Variants in FBXO45 observed in about 807,000 individuals in gnomAD.
The protein encoded by FBXO45 is F-box protein 45, also known as F-box/SPRY domain-containing protein 1.
In FBXO45, 3 loss-of-function variants were observed where a neutral mutation model predicts 25.5. The ratio of observed to expected loss-of-function variants is 0.12; its 90% CI spans 0.05 to 0.30. FBXO45 has a LOEUF of 0.30. FBXO45 is among the 10% of genes least tolerant of loss of function. The pLI is 1.00. For missense variants in FBXO45, 219 were observed against 365.0 expected (o/e 0.60, Z 3.26); for synonymous variants, 155 against 149.8 (o/e 1.03, Z -0.25).
rs756231947 is a variant in FBXO45, at chr3:196,569,158, C to T, written c.174C>T (p.Ser58=). 1 of 1,552,132 alleles carries T rather than the reference C, an allele frequency of 6.4e-7. No individual in the cohort carries two copies. Among genetic ancestry groups the T allele is most frequent in the Non-Finnish European group, 8.7e-7 (1 of 1,147,676 alleles). The part of the protein sequence containing the change: ...FSYLELSELR[S]CALVCKHWYR... ...ACCTGGAGCTGTCCGAGCTGCGGAGCTGCGCCCTGGTGTGCAAGCACTGGT... is the reference window on the plus strand; with the variant it reads ...ACCTGGAGCTGTCCGAGCTGCGGAGTTGCGCCCTGGTGTGCAAGCACTGGT... Residue 58 remains serine, a synonymous_variant, in exon 1 of 3, where the codon AGC becomes AGT. Transcript: ENST00000311630. This position sits in a 1 kb window ranked among gnomAD's most constrained non-coding sequence, Gnocchi z 4.1.
intron 1 of FBXO45, among the ~76,000 whole-genome samples, chr3:196,574,733 A>T (rs1425715544): frequency 6.6e-6 from 1 of 152,234 alleles, no homozygotes. Context: ...TACGTGGCAC[A>T]GAAAGTGGTG....
chr3:196,584,457 T>A lies in FBXO45; in HGVS notation c.*139T>A. ...AAGTCGTAAACTGGAGAAGCAGCTC[T>A]ACAGCAGAGATTATCTTCGTGTTTC... On this transcript the variant is annotated 3_prime_UTR_variant, in exon 3 of 3. Coordinates refer to ENST00000311630, the MANE Select transcript of FBXO45 (RefSeq NM_001105573.2). This position sits in a 1 kb window ranked among gnomAD's most constrained non-coding sequence, Gnocchi z 4.3. 1 of 702,028 alleles carries A rather than the reference T, an allele frequency of 1.4e-6. No individual in the cohort carries two copies. The highest frequency in any genetic ancestry group is 2.2e-6 in the Non-Finnish European group (1 of 452,006). 43.5% of individuals were successfully genotyped at this position (702,028 alleles called of 1,614,324 possible).
At chr3:196,576,512 C>T (rs188811465) in intron 1 of FBXO45, among the ~76,000 whole-genome samples, 21 of 152,176 alleles carry the variant, frequency 1.4e-4, no homozygotes, top group Admixed American at 4.6e-4. Context: ...TGTGCCACTG[C>T]ACTGCAGTCT....
In FBXO45 at chr3:196,586,457, C is replaced by T. The variant is rs577263306; in HGVS notation, c.*2139C>T. Reference sequence around the variant, plus strand: ...TTCTTATCTCAAAGATTTAAATTCCCGAATGTCCCATTCGCAAATCATATG... The same window carrying T: ...TTCTTATCTCAAAGATTTAAATTCCTGAATGTCCCATTCGCAAATCATATG... On this transcript the variant is annotated 3_prime_UTR_variant, in exon 3 of 3. Transcript: ENST00000311630. The T allele has an allele frequency of 6.6e-5, 10 of 152,236 alleles. No individual in the cohort carries two copies. The highest frequency in any genetic ancestry group is 1.4e-4 in the African/African-American group (6 of 41,522). The allele number at this position is 152,236 out of a possible 1,614,324, so 9.4% of individuals were successfully genotyped here.
intron 1 of FBXO45, among the ~76,000 whole-genome samples, chr3:196,575,612 A>T (rs910027205): frequency 2.0e-5 from 3 of 151,768 alleles, no homozygotes; most frequent in Non-Finnish European, 4.4e-5. Context: ...AGTTATTTAG[A>T]CAGTATTTGC....
chr3:196,578,008 G>A (rs549115745), intron 2 of FBXO45, among the ~76,000 whole-genome samples, 199 bp downstream of exon 2: 1 of 126,558 alleles, frequency 7.9e-6, no homozygotes, highest in Admixed American at 8.0e-5. Flanking sequence ...AATTTTGTTG[G>A]GTGTTATATT....
chr3:196,571,841 A>T (rs895804594), intron 1 of FBXO45, among the ~76,000 whole-genome samples: 4 of 152,200 alleles, frequency 2.6e-5, no homozygotes, highest in Non-Finnish European at 2.9e-5. Flanking sequence ...CTGTTCATTC[A>T]CACATTGTAG....
chr3:196,583,367 G>A (rs529224289), intron 2 of FBXO45, among the ~76,000 whole-genome samples: 4 of 151,954 alleles, frequency 2.6e-5, no homozygotes, highest in Admixed American at 6.6e-5. Flanking sequence ...TTAGCCGGGC[G>A]TGGTGGCGGG....
At chr3:196,570,258 TCC>T (rs747178495) in intron 1 of FBXO45, among the ~76,000 whole-genome samples, 4 of 99,762 alleles carry the variant, frequency 4.0e-5, no homozygotes, top group African/African-American at 1.7e-4. Flanking sequence ...AACGATAACA[TCC>T]CCCCCTTTTT....
intron 2 of FBXO45, among the ~76,000 whole-genome samples, chr3:196,581,716 C>T (rs553922686): frequency 2.0e-5 from 3 of 152,190 alleles, no homozygotes; most frequent in African/African-American, 7.2e-5. Context: ...ATATGAATCA[C>T]GCTTTCCTGT....
intron 2 of FBXO45, among the ~76,000 whole-genome samples, chr3:196,578,952 C>A (rs999824526): frequency 1.3e-5 from 2 of 152,158 alleles, no homozygotes; most frequent in Non-Finnish European, 2.9e-5. Flanking sequence ...ACATCCAAAT[C>A]TTTTTCTAGG....
intron 2 of FBXO45, among the ~76,000 whole-genome samples, chr3:196,583,689 T>C (rs1034172922): frequency 6.6e-6 from 1 of 152,196 alleles, no homozygotes; most frequent in African/African-American, 2.4e-5. Context: ...ATTTAAATTG[T>C]AAGTAATTAA....
intron 1 of FBXO45, among the ~76,000 whole-genome samples, chr3:196,573,895 G>A (rs1310793849): frequency 4.0e-5 from 6 of 151,464 alleles, no homozygotes; most frequent in African/African-American, 4.9e-5. Flanking sequence ...GGGAATGTGA[G>A]GCTATGGGTT....
Position 196,585,452 on chromosome 3 carries a change from G to A in FBXO45, c.*1134G>A, listed in dbSNP as rs1010026006. The A allele has an allele frequency of 2.0e-5, 3 of 152,014 alleles. No individual in the cohort carries two copies. Among genetic ancestry groups the A allele is most frequent in the East Asian group, 1.9e-4 (1 of 5,182 alleles). The allele number at this position is 152,014 out of a possible 1,614,324, so 9.4% of individuals were successfully genotyped here. A position where few individuals can be genotyped will look rare whatever the true frequency, so the allele number is the denominator to read the frequency against. On this transcript the variant is annotated 3_prime_UTR_variant, in exon 3 of 3. Transcript: ENST00000311630. ...TGCAACTAATCTAAGCCTCAAACTC[G>A]TTATTGGGGCTATAAAGAAAACGTT...
chr3:196,580,733 C>G (rs1281812821), intron 2 of FBXO45, among the ~76,000 whole-genome samples: 1 of 152,040 alleles, frequency 6.6e-6, no homozygotes, highest in African/African-American at 2.4e-5. Context: ...GTTTTTTCCC[C>G]CAACCTTGTT....
intron 2 of FBXO45, among the ~76,000 whole-genome samples, chr3:196,582,452 T>C (rs1438328995): frequency 3.9e-5 from 6 of 152,164 alleles, no homozygotes; most frequent in African/African-American, 1.4e-4. Flanking sequence ...AAAAAGCAGA[T>C]GTTGGCAGTT....
At position 196,587,055 on chromosome 3, in the gene FBXO45, GT is replaced by G. The variant is rs1736124801; in HGVS notation, c.*2738del. On this transcript the variant is annotated 3_prime_UTR_variant, in exon 3 of 3. Transcript: ENST00000311630. ...TCAATTCATAGTATGATCAGGGAAA[GT>G]GTAACTGAGTATACTTTGTTGACTT... 5.3e-5 allele frequency: 8 copies of G among 152,216 alleles called. No homozygotes were observed. The highest frequency in any genetic ancestry group is 5.2e-4 in the Admixed American group (8 of 15,284). The allele number at this position is 152,216 out of a possible 1,614,324, so 9.4% of individuals were successfully genotyped here.
intron 2 of FBXO45, among the ~76,000 whole-genome samples, chr3:196,578,913 C>T (rs1156522906): frequency 1.3e-5 from 2 of 152,124 alleles, no homozygotes; most frequent in Non-Finnish European, 2.9e-5. Flanking sequence ...TACCCCTGCT[C>T]TAGATGGTCA....
intron 2 of FBXO45, among the ~76,000 whole-genome samples, chr3:196,579,682 A>G (rs906134573): frequency 3.3e-5 from 5 of 152,348 alleles, no homozygotes; most frequent in Middle Eastern, 3.4e-3. Context: ...CAAGTCTTAC[A>G]TAGTGTTACT....
Sources: allele counts gnomAD v4.1 joint callset (sites outside exome capture counted in the v4.1 genomes callset), GRCh38; gene constraint gnomAD v4.1.1; non-coding constraint Gnocchi (gnomAD v3.1); transcripts MANE v1.5; gene names NCBI Gene and HGNC (gene_info 2026-07-23, HGNC 2026-07-21).